Variants in IGSF11 observed in about 807,000 individuals in gnomAD.
IGSF11 encodes the protein CXADR like 1.
In IGSF11, 22 loss-of-function variants were observed where a neutral mutation model predicts 41.0. The observed-to-expected ratio is 0.54, with a 90% CI of 0.38 to 0.77. The LOEUF is 0.77. Ranked by LOEUF, IGSF11 falls within the 30% of genes least tolerant of loss-of-function variation. The pLI is 0.00. For missense variants in IGSF11, 444 were observed against 530.8 expected (o/e 0.84, Z 1.61); for synonymous variants, 219 against 201.3 (o/e 1.09, Z -0.74).
upstream of IGSF11, chr3:119,034,867 C>G: frequency 8.4e-7 from 1 of 1,197,264 alleles, no homozygotes; most frequent in Non-Finnish European, 1.0e-6. Flanking sequence ...TCGCGCAGTC[C>G]GGGGAGCCAC....
At chr3:118,964,972 C>A (rs906232555) in intron 1 of IGSF11, among the ~76,000 whole-genome samples, 1 of 152,080 alleles carries the variant, frequency 6.6e-6, no homozygotes, top group Non-Finnish European at 1.5e-5. Flanking sequence ...ATAACTTCCA[C>A]GTACTTTATG....
chr3:119,117,356 T>A (rs1428831957), intron 1 of IGSF11, among the ~76,000 whole-genome samples: 1 of 152,056 alleles, frequency 6.6e-6, no homozygotes, highest in Non-Finnish European at 1.5e-5. Context: ...TGCCTCACAA[T>A]AATGAAGGAA....
At chr3:119,048,147 C>T (rs1941449519) in intron 1 of IGSF11, among the ~76,000 whole-genome samples, 1 of 152,002 alleles carries the variant, frequency 6.6e-6, no homozygotes, top group Admixed American at 6.5e-5. Context: ...TAACTAAAAT[C>T]AGAGCAGAAC....
At chr3:119,078,595 C>T (rs1456248710) in intron 1 of IGSF11, among the ~76,000 whole-genome samples, 2 of 152,108 alleles carry the variant, frequency 1.3e-5, no homozygotes. Context: ...ATGTGTAAAA[C>T]CTAAAACTAT....
At chr3:118,911,344 G>T (rs1189000297) in intron 4 of IGSF11, among the ~76,000 whole-genome samples, 3 of 152,042 alleles carry the variant, frequency 2.0e-5, no homozygotes, top group Non-Finnish European at 4.4e-5. Context: ...ACTTTTAGTG[G>T]GTGAAAATTT....
chr3:118,939,223 A>G (rs956440155), intron 1 of IGSF11, among the ~76,000 whole-genome samples: 7 of 152,238 alleles, frequency 4.6e-5, no homozygotes, highest in African/African-American at 1.7e-4. Context: ...TACAAAGAAC[A>G]TGAGTTAAAC....
Position 119,011,285 on chromosome 3 carries a change from A to G in IGSF11, c.52+23246T>C, listed in dbSNP as rs564684958. Among the ~76,000 whole-genome samples the G allele has an allele frequency of 1.1e-4, 16 of 152,340 alleles. No homozygotes were observed. The East Asian group carries it at 2.7e-3, about 26-fold the overall frequency. ...AAAATAAAACATCTAAATGGCCTGT[A>G]GAACCAACAGAAGGAACTCAGAAAC... On this transcript the variant is annotated intron_variant, in intron 1 of 6. Coordinates refer to ENST00000393775, the MANE Select transcript of IGSF11 (RefSeq NM_001015887.3).
intron 1 of IGSF11, among the ~76,000 whole-genome samples, chr3:119,102,238 T>C (rs1576800197): frequency 6.6e-6 from 1 of 152,246 alleles, no homozygotes; most frequent in Non-Finnish European, 1.5e-5. Context: ...CATGGAATTA[T>C]ATTCTCTGGG....
At chr3:119,111,278 C>A (rs2107519526) in intron 1 of IGSF11, among the ~76,000 whole-genome samples, 1 of 152,272 alleles carries the variant, frequency 6.6e-6, no homozygotes, top group African/African-American at 2.4e-5. Flanking sequence ...TTCTTGGAGG[C>A]TTTGTTCGTT....
At chr3:119,056,438 T>C (rs1941837597) in intron 1 of IGSF11, among the ~76,000 whole-genome samples, 1 of 152,168 alleles carries the variant, frequency 6.6e-6, no homozygotes, top group Non-Finnish European at 1.5e-5. Context: ...GTTGAATCTC[T>C]GAATAGACCA....
rs1280628448 is a variant in IGSF11 at position 119,071,625 on chromosome 3, TTGACCATATATA to T, written c.49+33507_49+33518del. Among the ~76,000 whole-genome samples, 76 of 152,314 alleles carry T rather than the reference TTGACCATATATA, an allele frequency of 5.0e-4. 1 individual carries two copies. Among genetic ancestry groups the T allele is most frequent in the Middle Eastern group, 3.4e-3 (1 of 294 alleles). On this transcript the variant is annotated intron_variant, in intron 1 of 6. Transcript: ENST00000354673. ...ATTGGGCATCCTTCTCAAAAATAAA[TTGACCATATATA>T]TGAGCATATATATAATTTCTGGACT... is the stretch of plus-strand genomic sequence containing the variant.
intron 1 of IGSF11, among the ~76,000 whole-genome samples, chr3:118,951,400 T>G (rs117508748): frequency 6.6e-6 from 1 of 152,134 alleles, no homozygotes; most frequent in Admixed American, 6.5e-5. Context: ...GGCCACTGTA[T>G]CTTAACATTT....
intron 5 of IGSF11, 28 bp downstream of exon 5, chr3:118,905,568 G>C: frequency 6.2e-7 from 1 of 1,612,886 alleles, no homozygotes. Flanking sequence ...CAGACCCATG[G>C]TTGACATCAG....
chr3:119,008,491 A>T (rs1043152700), intron 1 of IGSF11, among the ~76,000 whole-genome samples: 4 of 152,206 alleles, frequency 2.6e-5, no homozygotes, highest in Admixed American at 6.5e-5. Flanking sequence ...GTATTCAGAG[A>T]GGTAGAAAGA....
intron 1 of IGSF11, among the ~76,000 whole-genome samples, chr3:118,979,879 G>A (rs974735283): frequency 1.3e-5 from 2 of 151,980 alleles, no homozygotes; most frequent in African/African-American, 2.4e-5. Context: ...TTCAAAAGAC[G>A]ACATACAAAT....
At chr3:118,956,917 GAAGCACAATAAAAC>G in intron 1 of IGSF11, among the ~76,000 whole-genome samples, 1 of 152,236 alleles carries the variant, frequency 6.6e-6, no homozygotes, top group Admixed American at 6.5e-5. Context: ...ATAATACACT[GAAGCACAATAAAAC>G]AAGGTATGCC....
chr3:119,131,969 A>T (rs1204128407), intron 1 of IGSF11, among the ~76,000 whole-genome samples: 2 of 152,150 alleles, frequency 1.3e-5, no homozygotes, highest in East Asian at 3.8e-4. Flanking sequence ...TAAGTGAAGG[A>T]GAAATAAAAT....
Position 118,930,096 on chromosome 3 carries a change from G to C in IGSF11, c.216+16C>G. 1 of 1,607,766 alleles carries C rather than the reference G, an allele frequency of 6.2e-7. No individual in the cohort carries two copies. Among genetic ancestry groups the C allele is most frequent in the Non-Finnish European group, 8.5e-7 (1 of 1,176,314 alleles). On this transcript the variant is annotated intron_variant, in intron 2 of 6. Transcript: ENST00000393775. The stretch of plus-strand genomic sequence containing the variant: ...GATTAACCTTTTAGAGGTAGCACAG[G>C]ATGCAACAGAAATACCTGTTCAGGT...
upstream of IGSF11, chr3:119,034,923 C>T (rs889573452): frequency 4.7e-6 from 4 of 853,896 alleles, no homozygotes; most frequent in African/African-American, 5.4e-5. Flanking sequence ...CTCGGCTCCT[C>T]GCCGCGCCGC....
Sources: gnomAD v4.1 joint callset for allele counts (sites outside exome capture counted in the v4.1 genomes callset) on GRCh38, gnomAD v4.1.1 for gene constraint, MANE v1.5 for transcripts, NCBI Gene and HGNC (gene_info 2026-07-23, HGNC 2026-07-21) for gene names.